NPC1: variants seen among roughly 807,000 people sequenced by gnomAD.
NPC1 encodes NPC intracellular cholesterol transporter 1.
In NPC1, 85 loss-of-function variants were observed where a neutral mutation model predicts 140.4. The ratio of observed to expected loss-of-function variants is 0.61; its 90% CI spans 0.51 to 0.72. The LOEUF (loss-of-function observed/expected upper bound fraction) is 0.72, where lower values mean the gene tolerates loss of function less well. Among genes scored for constraint, NPC1 ranks in the 30% least tolerant of loss-of-function variants. The pLI, the probability that NPC1 is intolerant of heterozygous loss-of-function variation, is 0.00. For synonymous variants in NPC1, 656 were observed against 624.8 expected (o/e 1.05, Z -0.74); for missense variants, 1,504 against 1,623.8 (o/e 0.93, Z 1.27).
intron 1 of NPC1, among the ~76,000 whole-genome samples, chr18:23,577,737 C>T (rs2059306891): frequency 6.6e-6 from 1 of 152,146 alleles, no homozygotes; most frequent in South Asian, 2.1e-4. Context: ...GGGTGGGAGG[C>T]TCTGGCATGG....
chr18:23,583,585 C>T (rs557395998), intron 1 of NPC1, among the ~76,000 whole-genome samples: 4 of 151,798 alleles, frequency 2.6e-5, no homozygotes, highest in South Asian at 4.2e-4. Flanking sequence ...AAGGGGCACC[C>T]GAGATCAGAG....
intron 1 of NPC1, chr18:23,576,746 A>G: frequency 6.3e-6 from 1 of 159,232 alleles, no homozygotes; most frequent in Non-Finnish European, 1.4e-5. Context: ...TACAGCTCTT[A>G]AGGCAGCGCG....
At position 23,545,088 on chromosome 18, in the gene NPC1, G is replaced by T. The variant is rs377130051; in HGVS notation, c.1819C>A (p.Arg607=). The T allele has an allele frequency of 2.0e-5, 32 of 1,612,266 alleles. No individual in the cohort carries two copies. In the African/African-American group the frequency reaches 3.5e-4, roughly 18 times the overall value. Residue 607 remains arginine, a synonymous_variant, in exon 12 of 25, where the codon CGA becomes AGA. Coordinates refer to ENST00000269228, the MANE Select transcript of NPC1 (RefSeq NM_000271.5). The stretch of plus-strand genomic sequence containing the variant: ...CGATTTAGTTCATCTTCAATACTTC[G>T]TTCAGCAGTGAAGGAAATGGTCAGA... ...PNLTISFTAE[R]SIEDELNRES...
Position 23,572,183 on chromosome 18 carries a change from T to G in NPC1, c.181-3A>C, listed in dbSNP as rs371126954. Reference sequence around the variant, plus strand: ...AAGAAGAATCCTGGACAGAGTTCCTTTCAGGTGAAAGAGCACAGACACGGG... The same window carrying G: ...AAGAAGAATCCTGGACAGAGTTCCTGTCAGGTGAAAGAGCACAGACACGGG... On this transcript the variant is annotated splice_region_variant and splice_polypyrimidine_tract_variant and intron_variant, in intron 2 of 24. Transcript: ENST00000269228. 1 of 1,610,586 alleles carries G rather than the reference T, an allele frequency of 6.2e-7. No homozygotes were observed. The highest frequency in any genetic ancestry group is 1.3e-5 in the African/African-American group (1 of 74,958).
chr18:23,539,775 C>T (rs373528365), intron 18 of NPC1, 36 bp downstream of exon 18: 75 of 1,606,450 alleles, frequency 4.7e-5, no homozygotes, highest in Non-Finnish European at 5.6e-5. Flanking sequence ...GAGCCTCCTC[C>T]GCTGCTTCTG....
chr18:23,510,420 G>A (rs2057822447), intron 3 of NPC1, among the ~76,000 whole-genome samples: 1 of 151,850 alleles, frequency 6.6e-6, no homozygotes, highest in African/African-American at 2.4e-5. Context: ...GACCGAGGTG[G>A]GCAGATCACC....
chr18:23,540,082 A>G, intron 17 of NPC1, 81 bp from the exon 18 acceptor site: 1 of 1,260,148 alleles, frequency 7.9e-7, no homozygotes, highest in South Asian at 1.2e-5. Flanking sequence ...GGAGAATAAG[A>G]GGGTGCCAGG....
At chr18:23,557,226 C>T (rs1256482447) in intron 6 of NPC1, 36 bp from the exon 7 acceptor site, 2 of 1,513,542 alleles carry the variant, frequency 1.3e-6, no homozygotes, top group African/African-American at 2.7e-5. Flanking sequence ...CATTAGTGGA[C>T]TTCATCACAG....
chr18:23,509,304 GT>G, intron 3 of NPC1: 2 of 1,224,558 alleles, frequency 1.6e-6, no homozygotes, highest in Non-Finnish European at 1.1e-6. Flanking sequence ...ATTTATGTTT[GT>G]TGGTTAAAGT....
rs759946275 is a variant in NPC1, at chr18:23,531,610, T to C, written c.*592A>G. ...ATGCCACATCTAACTGGCAATTAAA[T>C]CTCTTCCTTTCTAGGGGAACACTGT... On this transcript the variant is annotated 3_prime_UTR_variant, in exon 25 of 25. Transcript: ENST00000269228. 6.2e-7 allele frequency: 1 copy of C among 1,607,728 alleles called. No individual in the cohort carries two copies. The highest frequency in any genetic ancestry group is 8.5e-7 in the Non-Finnish European group (1 of 1,178,554).
chr18:23,551,745 A>C lies in NPC1; in HGVS notation c.1554-18T>G. On this transcript the variant is annotated intron_variant, in intron 9 of 24. Coordinates refer to ENST00000269228, the MANE Select transcript of NPC1 (RefSeq NM_000271.5). ...CAGGAGCCCTGCCAAAAAGTTTAGA[A>C]AACACCTCCCAGTTAGAAGGGCCTC... 1 of 1,557,268 alleles carries C rather than the reference A, an allele frequency of 6.4e-7. No homozygotes were observed. The highest frequency in any genetic ancestry group is 1.7e-4 in the Middle Eastern group (1 of 5,970).
chr18:23,580,161 T>C lies in NPC1; in HGVS notation c.57+6126A>G, dbSNP rs188087453. ...ATGCCTCATTTTCTCAGATACTCTA[T>C]GCAGTAGCACAGCAGAATTTTACAG... On this transcript the variant is annotated intron_variant, in intron 1 of 24. Transcript: ENST00000269228. 6.4e-3 allele frequency among the ~76,000 whole-genome samples: 981 copies of C among 152,334 alleles called. 3 individuals are homozygous for C. Among genetic ancestry groups the C allele is most frequent in the Admixed American group, 0.01 (156 of 15,302 alleles).
chr18:23,556,667 G>C, intron 7 of NPC1, 54 bp from the exon 8 acceptor site: 1 of 1,604,668 alleles, frequency 6.2e-7, no homozygotes, highest in Non-Finnish European at 8.5e-7. Flanking sequence ...AGCCGTTCCT[G>C]AAAGTCGGAA....
chr18:23,514,778 GA>G (rs2057955799), intron 3 of NPC1, among the ~76,000 whole-genome samples: 1 of 152,002 alleles, frequency 6.6e-6, no homozygotes, highest in Admixed American at 6.6e-5. Context: ...AGATCTTCAA[GA>G]AAAAAGTTAA....
At chr18:23,558,669 T>C (rs1360964559) in intron 6 of NPC1, among the ~76,000 whole-genome samples, 3 of 152,158 alleles carry the variant, frequency 2.0e-5, no homozygotes, top group African/African-American at 7.2e-5. Flanking sequence ...TAGCTAATAA[T>C]AATGTAATAA....
chr18:23,518,820 G>C, downstream of NPC1: 1 of 1,377,742 alleles, frequency 7.3e-7, no homozygotes, highest in African/African-American at 1.4e-5. Context: ...TTACTTAACC[G>C]TGATGCCATT....
At chr18:23,515,663 G>C (rs970230835) in intron 3 of NPC1, among the ~76,000 whole-genome samples, 2 of 152,164 alleles carry the variant, frequency 1.3e-5, no homozygotes, top group Non-Finnish European at 2.9e-5. Flanking sequence ...CTTCTGAGTA[G>C]CTGGAATTAC....
At chr18:23,580,599 G>T (rs2059345155) in intron 1 of NPC1, among the ~76,000 whole-genome samples, 1 of 152,206 alleles carries the variant, frequency 6.6e-6, no homozygotes, top group African/African-American at 2.4e-5. Flanking sequence ...ACCAACACTT[G>T]TGCCCCTGTC....
At position 23,539,814 on chromosome 18, in the gene NPC1, T is replaced by C. The variant is rs774579664; in HGVS notation, c.2792A>G (p.Asn931Ser). Residue 931 changes from asparagine (N) to serine (S), a missense_variant, in exon 18 of 25, where the codon AAC becomes AGC. Asn to Ser is a conservative substitution (Grantham distance 46, BLOSUM62 1). Coordinates refer to ENST00000269228, the MANE Select transcript of NPC1 (RefSeq NM_000271.5). ...TACAAGACAAGGTGGTACTGACTAG[T>C]TGTCCAGCTGCGCCGCGTTAAATAT... ...QQIFNAAQLDNYTRIGFAPSS... is the reference protein window; with the variant it reads ...QQIFNAAQLDSYTRIGFAPSS... 1 of 1,614,170 alleles carries C rather than the reference T, an allele frequency of 6.2e-7. No individual in the cohort carries two copies. Among genetic ancestry groups the C allele is most frequent in the South Asian group, 1.1e-5 (1 of 91,084 alleles).
Sources: allele counts gnomAD v4.1 joint callset (sites outside exome capture counted in the v4.1 genomes callset), GRCh38; gene constraint gnomAD v4.1.1; transcripts MANE v1.5; gene names NCBI Gene and HGNC (gene_info 2026-07-23, HGNC 2026-07-21).